Variants in ABCA5 observed in about 807,000 individuals in gnomAD.
The protein encoded by ABCA5 is cholesterol transporter ABCA5.
A neutral mutation model predicts 206.0 loss-of-function variants in ABCA5; 163 were observed. The observed-to-expected ratio is 0.79, with a 90% CI of 0.70 to 0.90. The LOEUF is 0.90. Among genes scored for constraint, ABCA5 ranks in the 40% least tolerant of loss-of-function variants. The pLI is 0.00. For missense variants in ABCA5, 1,859 were observed against 1,912.9 expected (o/e 0.97, Z 0.53); for synonymous variants, 609 against 613.8 (o/e 0.99, Z 0.11).
At chr17:69,270,955 T>G (rs969685054) in intron 21 of ABCA5, among the ~76,000 whole-genome samples, 1 of 152,182 alleles carries the variant, frequency 6.6e-6, no homozygotes, top group Non-Finnish European at 1.5e-5. Context: ...GCATATAATT[T>G]TTTAAAAAAC....
At chr17:69,284,493 C>T (rs2075429801) in intron 17 of ABCA5, among the ~76,000 whole-genome samples, 1 of 151,840 alleles carries the variant, frequency 6.6e-6, no homozygotes, top group African/African-American at 2.4e-5. Flanking sequence ...GAGAATGTTA[C>T]TATATTGAAT....
intron 5 of ABCA5, 22 bp downstream of exon 5, chr17:69,308,258 T>G (rs1567780779): frequency 6.8e-7 from 1 of 1,466,972 alleles, no homozygotes; most frequent in Non-Finnish European, 9.5e-7. Flanking sequence ...AGTTTTTGTA[T>G]TTCTTCCTTT....
At position 69,285,913 on chromosome 17, in the gene ABCA5, T is replaced by G. The variant is rs9898003; in HGVS notation, c.2257A>C (p.Met753Leu). 2 of 1,612,014 alleles carry G rather than the reference T, an allele frequency of 1.2e-6. No individual in the cohort carries two copies. Among genetic ancestry groups the G allele is most frequent in the South Asian group, 1.1e-5 (1 of 90,674 alleles). The stretch of plus-strand genomic sequence containing the variant: ...TAAGTAATACCTGAAAATTTGTCCA[T>G]GTCCTTGAAAGGCAAGCTATACACA... Reference protein sequence around the residue: ...QLVYSLPFKDMDKFSGLFSAL... With the variant: ...QLVYSLPFKDLDKFSGLFSAL... Residue 753 changes from methionine (M) to leucine (L), a missense_variant, in exon 17 of 39, where the codon ATG becomes CTG. Coordinates refer to ENST00000392676, the MANE Select transcript of ABCA5 (RefSeq NM_172232.4).
chr17:69,250,102 G>T, intron 36 of ABCA5, 118 bp from the exon 37 acceptor site: 2 of 666,098 alleles, frequency 3.0e-6, no homozygotes, highest in Non-Finnish European at 4.6e-6. Flanking sequence ...TTGGTATTTA[G>T]TTGGATGAAA....
In ABCA5 at chr17:69,244,771, C is replaced by T. The variant is rs1193312466; in HGVS notation, c.*2766G>A. On this transcript the variant is annotated 3_prime_UTR_variant, in exon 39 of 39. Transcript: ENST00000392676. ...AAGTTTTGAGTAACTAACAGAACAA[C>T]AATAAAAACAATAATAACAACACTT... 6.6e-6 allele frequency: 1 copy of T among 151,182 alleles called. No homozygotes were observed. Among genetic ancestry groups the T allele is most frequent in the Non-Finnish European group, 1.5e-5 (1 of 67,666 alleles). 9.4% of individuals were successfully genotyped at this position (151,182 alleles called of 1,614,324 possible). A position where few individuals can be genotyped will look rare whatever the true frequency, so the allele number is the denominator to read the frequency against.
chr17:69,296,908 T>C (rs906529546), intron 10 of ABCA5, among the ~76,000 whole-genome samples: 3 of 152,186 alleles, frequency 2.0e-5, no homozygotes, highest in African/African-American at 4.8e-5. Flanking sequence ...GAGGTTACAG[T>C]GAGCCGAGAT....
At chr17:69,315,803 A>C (rs1392671769) in intron 1 of ABCA5, among the ~76,000 whole-genome samples, 1 of 151,930 alleles carries the variant, frequency 6.6e-6, no homozygotes, top group East Asian at 1.9e-4. Context: ...AAAAATAGCA[A>C]CTCTACTAAG....
rs546185290 is a variant in ABCA5 at position 69,281,029 on chromosome 17, T to C, written c.2392+2924A>G. ...CACATGTACTCTAAAACTTAAAGTA[T>C]AATAATAAAAAAAAATAAAAATAAA... is the stretch of plus-strand genomic sequence containing the variant. On this transcript the variant is annotated intron_variant, in intron 18 of 38. Transcript: ENST00000392676. 3.1e-4 allele frequency among the ~76,000 whole-genome samples: 47 copies of C among 149,764 alleles called. 1 individual carries two copies. The highest frequency in any genetic ancestry group is 1.0e-3 in the Admixed American group (15 of 15,052).
intron 18 of ABCA5, among the ~76,000 whole-genome samples, chr17:69,279,829 T>C (rs2144957753): frequency 6.6e-6 from 1 of 152,284 alleles, no homozygotes; most frequent in East Asian, 1.9e-4. Context: ...TAGCTAGCCA[T>C]ATGTAGAAAG....
intron 15 of ABCA5, among the ~76,000 whole-genome samples, 164 bp from the exon 16 acceptor site, chr17:69,286,475 C>T (rs1021292445): frequency 6.6e-6 from 1 of 152,132 alleles, no homozygotes; most frequent in African/African-American, 2.4e-5. Flanking sequence ...AACTATTTTT[C>T]AGATATGAAT....
At chr17:69,312,295 GA>G (rs1377618710) in intron 3 of ABCA5, among the ~76,000 whole-genome samples, 1 of 152,086 alleles carries the variant, frequency 6.6e-6, no homozygotes, top group Non-Finnish European at 1.5e-5. Context: ...TGCACATTGA[GA>G]AAAAAGACTT....
At chr17:69,317,784 C>T (rs2075830513) in intron 1 of ABCA5, 3 of 152,232 alleles carry the variant, frequency 2.0e-5, no homozygotes, top group Admixed American at 1.3e-4. Flanking sequence ...CTGTGGACCT[C>T]TATTGGAGCT....
At chr17:69,274,199 T>C in intron 19 of ABCA5, 71 bp from the exon 20 acceptor site, 1 of 1,370,446 alleles carries the variant, frequency 7.3e-7, no homozygotes, top group East Asian at 2.4e-5. Flanking sequence ...ATTAAAACTC[T>C]CCCTTCACAT....
intron 1 of ABCA5, chr17:69,325,555 T>C (rs949474458): frequency 1.3e-5 from 2 of 152,214 alleles, no homozygotes; most frequent in Non-Finnish European, 2.9e-5. Flanking sequence ...CCCTCTCAAC[T>C]AAACTCAAGG....
At position 69,274,131 on chromosome 17, in the gene ABCA5, G is replaced by GA; in HGVS notation, c.2595-4dup. 2 of 1,530,694 alleles carry GA rather than the reference G, an allele frequency of 1.3e-6. No individual in the cohort carries two copies. Among genetic ancestry groups the GA allele is most frequent in the South Asian group, 1.3e-5 (1 of 77,900 alleles). 94.8% of individuals were successfully genotyped at this position (1,530,694 alleles called of 1,614,324 possible). On this transcript the variant is annotated splice_polypyrimidine_tract_variant and splice_region_variant and intron_variant, in intron 19 of 38. Coordinates refer to ENST00000392676, the MANE Select transcript of ABCA5 (RefSeq NM_172232.4). The stretch of plus-strand genomic sequence containing the variant: ...AAAAAATTAAAAGCAGAAGCAACCT[G>GA]AAAAGAAAAAAAAAACAACACAGCT...
At chr17:69,294,627 T>C in intron 11 of ABCA5, 28 bp downstream of exon 11, 1 of 1,561,976 alleles carries the variant, frequency 6.4e-7, no homozygotes, top group East Asian at 2.2e-5. Context: ...TTAAATACTA[T>C]GGCCTGAATA....
At chr17:69,255,702 A>C in intron 30 of ABCA5, 31 bp downstream of exon 30, 1 of 1,577,710 alleles carries the variant, frequency 6.3e-7, no homozygotes, top group South Asian at 1.2e-5. Flanking sequence ...CTCTTCTAGA[A>C]AAGTTATGTA....
At chr17:69,303,807 T>TATATATATACACATATATATATATACAC (rs1474929503) in intron 7 of ABCA5, among the ~76,000 whole-genome samples, 1 of 5,222 alleles carries the variant, frequency 1.9e-4, no homozygotes, top group Non-Finnish European at 1.2e-3. Flanking sequence ...TATATATATA[T>TATATATATACACATATATATATATACAC]ACATACATAT....
chr17:69,266,211 CA>C (rs1205029481), intron 23 of ABCA5, among the ~76,000 whole-genome samples: 2 of 152,070 alleles, frequency 1.3e-5, no homozygotes, highest in African/African-American at 4.8e-5. Context: ...TTTGAACTAT[CA>C]AAATTACAGA....
Sources: allele counts gnomAD v4.1 joint callset (sites outside exome capture counted in the v4.1 genomes callset), GRCh38; gene constraint gnomAD v4.1.1; transcripts MANE v1.5; gene names NCBI Gene and HGNC (gene_info 2026-07-23, HGNC 2026-07-21).